The following GLG1 variants were observed in gnomAD, a reference collection of about 807,000 sequenced individuals.
GLG1 encodes golgi glycoprotein 1.
In GLG1, 38 loss-of-function variants were observed where a neutral mutation model predicts 160.5. The ratio of observed to expected loss-of-function variants is 0.24; its 90% CI spans 0.18 to 0.31. The LOEUF (loss-of-function observed/expected upper bound fraction) is 0.31. Among genes scored for constraint, GLG1 ranks in the 10% least tolerant of loss-of-function variants. The pLI is 1.00. For missense variants in GLG1, 1,373 were observed against 1,505.2 expected (o/e 0.91, Z 1.45); for synonymous variants, 644 against 543.4 (o/e 1.19, Z -2.57).
chr16:74,573,798 CTT>C (rs74457179), intron 1 of GLG1, among the ~76,000 whole-genome samples: 15 of 142,348 alleles, frequency 1.1e-4, no homozygotes, highest in Non-Finnish European at 1.1e-4. Flanking sequence ...TATCTAGCGT[CTT>C]TTTTTTTTTT....
Position 74,606,666 on chromosome 16 carries a change from A to T in GLG1, c.429T>A (p.Asp143Glu). ...CGTCCCACCTCCTCACCTCCCTCAC[A>T]TCCTGCAGGCACTCGAGCACCGCCA... ...NNLAVLECLQ[D>E]VREPENEISS... The change falls in exon 1 of 26, where the codon GAT (aspartate) becomes GAA (glutamate). Residue 143 changes from aspartate to glutamate, a missense_variant. Physicochemically the swap from Asp to Glu is conservative, Grantham distance 45. This residue lies in a region of GLG1 where 322 missense variants were observed against 254.6 expected (regional missense o/e 1.26). Transcript: ENST00000422840. The T allele has an allele frequency of 6.4e-7, 1 of 1,574,260 alleles. No individual in the cohort carries two copies. Among genetic ancestry groups the T allele is most frequent in the South Asian group, 1.2e-5 (1 of 86,362 alleles).
At chr16:74,594,877 C>T (rs1650006544) in intron 1 of GLG1, among the ~76,000 whole-genome samples, 1 of 152,140 alleles carries the variant, frequency 6.6e-6, no homozygotes, top group Non-Finnish European at 1.5e-5. Context: ...ATTTGGAATA[C>T]TGCCTATCAA....
chr16:74,576,257 T>A (rs1332288122), intron 1 of GLG1, among the ~76,000 whole-genome samples: 1 of 151,858 alleles, frequency 6.6e-6, no homozygotes, highest in East Asian at 1.9e-4. Context: ...CATTTGGCCC[T>A]GGTTAATAAA....
chr16:74,541,180 C>T (rs1297110212), intron 1 of GLG1, among the ~76,000 whole-genome samples: 4 of 151,934 alleles, frequency 2.6e-5, no homozygotes, highest in African/African-American at 7.2e-5. Flanking sequence ...AAAGATTAGC[C>T]AGGCGTGGTG....
chr16:74,587,268 G>A lies in GLG1; in HGVS notation c.438+19389C>T, dbSNP rs115004236. The stretch of plus-strand genomic sequence containing the variant: ...GCTTACTGTATGGAAGTGGCTTCCC[G>A]GCTGCAACACAGGGAGAGGGAACCC... On this transcript the variant is annotated intron_variant, in intron 1 of 25. Transcript: ENST00000422840. Among the ~76,000 whole-genome samples the A allele has an allele frequency of 4.5e-3, 687 of 152,240 alleles. 5 individuals carry two copies. Among genetic ancestry groups the A allele is most frequent in the African/African-American group, 0.016 (664 of 41,550 alleles).
intron 2 of GLG1, among the ~76,000 whole-genome samples, chr16:74,525,567 A>G (rs563165428): frequency 6.6e-6 from 1 of 150,422 alleles, no homozygotes; most frequent in African/African-American, 2.4e-5. Flanking sequence ...AACTGCTGGG[A>G]TTAAAGGTAT....
At chr16:74,603,502 C>A (rs1958492138) in intron 1 of GLG1, among the ~76,000 whole-genome samples, 1 of 151,952 alleles carries the variant, frequency 6.6e-6, no homozygotes, top group Admixed American at 6.6e-5. Context: ...GTACTGAACT[C>A]CTAGCTCAAG....
Position 74,548,304 on chromosome 16 carries a change from G to C in GLG1, c.439-16151C>G, listed in dbSNP as rs573202704. ...TAAATGATTTTGCTGGCATAAATCTGGCTCCAAATTATAGCTATCTTTAAA... is the reference window on the plus strand; with the variant it reads ...TAAATGATTTTGCTGGCATAAATCTCGCTCCAAATTATAGCTATCTTTAAA... On this transcript the variant is annotated intron_variant, in intron 1 of 25. Coordinates refer to ENST00000422840, the MANE Select transcript of GLG1 (RefSeq NM_001145667.2). Among the ~76,000 whole-genome samples, 3 of 152,290 alleles carry C rather than the reference G, an allele frequency of 2.0e-5. No individual in the cohort carries two copies. The East Asian group carries it at 5.8e-4, about 29-fold the overall frequency.
intron 1 of GLG1, among the ~76,000 whole-genome samples, chr16:74,549,979 G>A (rs544054902): frequency 3.9e-5 from 6 of 152,326 alleles, no homozygotes; most frequent in East Asian, 3.9e-4. Flanking sequence ...TTAGCCGGGC[G>A]TGGTGGGAGC....
Position 74,449,334 on chromosome 16 carries a change from G to A in GLG1, c.*3833C>T, listed in dbSNP as rs971019144. 1.3e-5 allele frequency: 2 copies of A among 152,146 alleles called. No homozygotes were observed. Among genetic ancestry groups the A allele is most frequent in the African/African-American group, 4.8e-5 (2 of 41,432 alleles). 9.4% of individuals were successfully genotyped at this position (152,146 alleles called of 1,614,324 possible). The stretch of plus-strand genomic sequence containing the variant: ...ACTTCGGGGCAGAAGTCACACCACA[G>A]GCCTGGAGGATGGGAGGATAGGAGA... On this transcript the variant is annotated 3_prime_UTR_variant, in exon 26 of 26. Transcript: ENST00000422840.
intron 15 of GLG1, among the ~76,000 whole-genome samples, chr16:74,470,386 C>G (rs1360874593): frequency 1.3e-5 from 2 of 149,186 alleles, no homozygotes; most frequent in African/African-American, 4.9e-5. Flanking sequence ...TCCCTCCTTC[C>G]TTCCTTCCCT....
intron 17 of GLG1, chr16:74,468,226 CTTTTTTTTTTTTTTTTT>C (rs201829157): frequency 1.1e-3 from 89 of 83,326 alleles, no homozygotes; most frequent in African/African-American, 4.1e-3. Flanking sequence ...CTTGAAATGT[CTTTTTTTTTTTTTTTTT>C]TTTTTTTTTT....
intron 1 of GLG1, among the ~76,000 whole-genome samples, chr16:74,548,239 T>C (rs1010820067): frequency 1.3e-5 from 2 of 152,262 alleles, no homozygotes; most frequent in African/African-American, 4.8e-5. Flanking sequence ...TTCCAATTCT[T>C]ACTTGGTAAA....
chr16:74,475,390 T>G (rs2015360988), intron 12 of GLG1, among the ~76,000 whole-genome samples: 2 of 152,158 alleles, frequency 1.3e-5, no homozygotes, highest in African/African-American at 4.8e-5. Context: ...TTAAGACTCT[T>G]TATTGGCAAA....
chr16:74,582,568 C>G (rs1269920739), intron 1 of GLG1, among the ~76,000 whole-genome samples: 2 of 152,090 alleles, frequency 1.3e-5, no homozygotes, highest in Non-Finnish European at 2.9e-5. Flanking sequence ...CGCCTGTAAT[C>G]CCAGCACTTT....
chr16:74,601,435 A>G (rs74899082), intron 1 of GLG1, among the ~76,000 whole-genome samples: 12,506 of 152,016 alleles, frequency 0.082, 836 homozygotes, highest in Admixed American at 0.2. Context: ...AAAAAAAAAA[A>G]AAGTATACCC....
At chr16:74,530,429 C>G (rs746203268) in intron 2 of GLG1, among the ~76,000 whole-genome samples, 3 of 152,164 alleles carry the variant, frequency 2.0e-5, no homozygotes, top group Non-Finnish European at 4.4e-5. Flanking sequence ...GAACTGTAGT[C>G]ACTGTTGCAG....
intron 3 of GLG1, among the ~76,000 whole-genome samples, chr16:74,506,989 G>C (rs1390656080): frequency 1.3e-5 from 2 of 152,168 alleles, no homozygotes; most frequent in African/African-American, 2.4e-5. Flanking sequence ...GCAGGATTTA[G>C]CTCAATCCTG....
At chr16:74,476,035 A>C (rs995020574) in intron 12 of GLG1, among the ~76,000 whole-genome samples, 1 of 152,084 alleles carries the variant, frequency 6.6e-6, no homozygotes, top group African/African-American at 2.4e-5. Context: ...ACAAAAAATC[A>C]GGTGGGTGTG....
Sources: allele counts gnomAD v4.1 joint callset (sites outside exome capture counted in the v4.1 genomes callset), GRCh38; gene constraint gnomAD v4.1.1; regional missense constraint gnomAD v4.1.1; transcripts MANE v1.5; gene names NCBI Gene and HGNC (gene_info 2026-07-23, HGNC 2026-07-21).